The following GPC3 variants were observed in gnomAD, a reference collection of about 807,000 sequenced individuals.
GPC3 encodes the protein glypican-3.
A neutral mutation model predicts 34.4 loss-of-function variants in GPC3; 3 were observed. The observed-to-expected ratio is 0.09, with a 90% CI of 0.04 to 0.23. The LOEUF is 0.23. GPC3 is among the 10% of genes least tolerant of loss of function. The pLI is 1.00. For missense variants in GPC3, 351 were observed against 445.6 expected, an observed-to-expected ratio of 0.79 and a Z score of 1.91; for synonymous variants, 177 against 174.0, an observed-to-expected ratio of 1.02 and a Z score of -0.13.
chrX:133,937,264 C>T (rs2076327245), intron 2 of GPC3, among the ~76,000 whole-genome samples: 1 of 111,335 alleles, frequency 9.0e-6, no homozygotes, highest in African/African-American at 3.3e-5. Flanking sequence ...CCACCTGACA[C>T]ACGCAGCACA....
chrX:133,542,887 T>A, intron 7 of GPC3, among the ~76,000 whole-genome samples: 1 of 111,895 alleles, frequency 8.9e-6, no homozygotes, highest in African/African-American at 3.3e-5. Flanking sequence ...GTTTCCTTGT[T>A]CTCCCTTCAG....
intron 4 of GPC3, among the ~76,000 whole-genome samples, chrX:133,695,818 T>C (rs1229852367): frequency 8.9e-6 from 1 of 112,381 alleles, no homozygotes; most frequent in Non-Finnish European, 1.9e-5. Flanking sequence ...ACACAGATAA[T>C]CACTGTTAAT....
At chrX:133,902,398 T>A (rs1765718093) in intron 2 of GPC3, among the ~76,000 whole-genome samples, 1 of 112,367 alleles carries the variant, frequency 8.9e-6, no homozygotes, top group African/African-American at 3.2e-5. Flanking sequence ...CAAAGAACAT[T>A]TTCTTCTCAT....
intron 2 of GPC3, among the ~76,000 whole-genome samples, chrX:133,904,936 A>G (rs756465741): frequency 8.9e-6 from 1 of 112,376 alleles, no homozygotes; most frequent in African/African-American, 3.2e-5. Context: ...CTTCAAGGGT[A>G]CCTTCATTTG....
intron 3 of GPC3, among the ~76,000 whole-genome samples, chrX:133,720,340 T>C (rs1271977431): frequency 1.8e-5 from 2 of 112,297 alleles, no homozygotes; most frequent in Non-Finnish European, 3.8e-5. Context: ...CCACATGTTG[T>C]GGGAGGGCCC....
intron 2 of GPC3, among the ~76,000 whole-genome samples, chrX:133,776,867 T>C (rs990027099): frequency 3.6e-5 from 3 of 83,300 alleles, no homozygotes; most frequent in Non-Finnish European, 7.7e-5. Context: ...AGTAGTCACG[T>C]CCTTTCTTTT....
At chrX:133,855,496 G>A (rs769897576) in intron 2 of GPC3, among the ~76,000 whole-genome samples, 5 of 100,151 alleles carry the variant, frequency 5.0e-5, no homozygotes, top group Admixed American at 1.1e-4. Flanking sequence ...AAATTTTATC[G>A]TGTACATGTA....
At chrX:133,872,461 T>C (rs1321436202) in intron 2 of GPC3, among the ~76,000 whole-genome samples, 1 of 111,737 alleles carries the variant, frequency 8.9e-6, no homozygotes, top group African/African-American at 3.3e-5. Context: ...AAACTGTTCA[T>C]GCAACAAACA....
In GPC3 at chrX:133,541,203, C is replaced by A. The variant is rs1408264119; in HGVS notation, c.1574-4910G>T. On this transcript the variant is annotated intron_variant, in intron 7 of 7. Transcript: ENST00000370818. ...ATCTTGTGTTGAAATAAACAAGAAG[C>A]CTGTGGGAATAGTATCTGGGGAATC... Among the ~76,000 whole-genome samples the A allele has an allele frequency of 8.9e-5, 5 of 56,451 alleles. No homozygotes were observed. The Admixed American group carries it at 1.2e-3, about 14-fold the overall frequency. 49.0% of individuals were successfully genotyped at this position (56,451 alleles called of 115,157 possible).
At chrX:133,940,736 T>C (rs1243259660) in intron 2 of GPC3, among the ~76,000 whole-genome samples, 1 of 112,134 alleles carries the variant, frequency 8.9e-6, no homozygotes, top group Non-Finnish European at 1.9e-5. Context: ...TTTGAAATAA[T>C]ATGTGCATCA....
intron 1 of GPC3, among the ~76,000 whole-genome samples, chrX:133,970,224 C>T (rs1181382352): frequency 2.5e-4 from 28 of 111,600 alleles, no homozygotes; most frequent in Admixed American, 2.2e-3. Flanking sequence ...TGGGGAGGGG[C>T]GTGCTCAGTG....
At chrX:133,970,196 T>C (rs1052447776) in intron 1 of GPC3, among the ~76,000 whole-genome samples, 9 of 111,712 alleles carry the variant, frequency 8.1e-5, no homozygotes, top group Non-Finnish European at 1.7e-4. Context: ...GGCCACTAGC[T>C]GCTGTTAAGC....
chrX:133,669,215 A>T (rs1603217918), intron 5 of GPC3, among the ~76,000 whole-genome samples: 1 of 112,192 alleles, frequency 8.9e-6, no homozygotes, highest in African/African-American at 3.2e-5. Context: ...ATCCACCACC[A>T]CCACCATCCA....
At chrX:133,703,817 G>A (rs995253831) in intron 3 of GPC3, among the ~76,000 whole-genome samples, 2 of 111,686 alleles carry the variant, frequency 1.8e-5, no homozygotes, top group Non-Finnish European at 1.9e-5. Flanking sequence ...CAGAAGCACC[G>A]TCCTTGTACC....
chrX:133,561,009 TACTGAGGAAGTAAAG>T (rs2069536022), intron 7 of GPC3, among the ~76,000 whole-genome samples: 2 of 111,439 alleles, frequency 1.8e-5, no homozygotes, highest in South Asian at 7.6e-4. Flanking sequence ...AGGCCTGTCT[TACTGAGGAAGTAAAG>T]ACATATACCT....
intron 2 of GPC3, among the ~76,000 whole-genome samples, chrX:133,922,569 G>A (rs1603273160): frequency 9.0e-6 from 1 of 111,131 alleles, no homozygotes; most frequent in African/African-American, 3.3e-5. Context: ...GAGTAATTTA[G>A]CAGCAGGAGT....
chrX:133,910,054 G>A (rs2076190311), intron 2 of GPC3, among the ~76,000 whole-genome samples: 1 of 110,913 alleles, frequency 9.0e-6, no homozygotes, highest in South Asian at 3.9e-4. Context: ...CTGGAGATGT[G>A]TGCTTTGCTT....
At chrX:133,539,661 C>G (rs910920441) in intron 7 of GPC3, among the ~76,000 whole-genome samples, 23 of 112,358 alleles carry the variant, frequency 2.0e-4, no homozygotes, top group Non-Finnish European at 3.4e-4. Flanking sequence ...AGAACGCTAT[C>G]TCCCTGTGTT....
intron 2 of GPC3, among the ~76,000 whole-genome samples, chrX:133,790,457 C>T (rs933284971): frequency 3.6e-5 from 4 of 111,489 alleles, no homozygotes; most frequent in African/African-American, 1.3e-4. Context: ...TTGTCACATG[C>T]ATCATTTGCT....
Sources: gnomAD v4.1 joint callset for allele counts (sites outside exome capture counted in the v4.1 genomes callset) on GRCh38, gnomAD v4.1.1 for gene constraint, MANE v1.5 for transcripts, NCBI Gene and HGNC (gene_info 2026-07-23, HGNC 2026-07-21) for gene names.